The following ATP9A variants were observed in gnomAD, a reference collection of about 807,000 sequenced individuals.
ATP9A encodes ATPase phospholipid transporting 9A.
ATP9A carries 52 observed loss-of-function variants against 144.1 expected under a neutral mutation model. The observed-to-expected ratio is 0.36, with a 90% CI of 0.29 to 0.45. The LOEUF (loss-of-function observed/expected upper bound fraction) is 0.45, where lower values mean the gene tolerates loss of function less well. Ranked by LOEUF, ATP9A falls within the 20% of genes least tolerant of loss-of-function variation. The pLI, the probability that ATP9A is intolerant of heterozygous loss-of-function variation, is 1.00. For missense variants in ATP9A, 947 were observed against 1,392.7 expected (o/e 0.68, Z 5.09); for synonymous variants, 582 against 557.4 (o/e 1.04, Z -0.62).
chr20:51,687,087 G>C (rs992579805), intron 9 of ATP9A, among the ~76,000 whole-genome samples: 3 of 152,024 alleles, frequency 2.0e-5, no homozygotes, highest in African/African-American at 7.2e-5. Flanking sequence ...ATTATTATTT[G>C]TTAATAAATG....
chr20:51,760,449 G>A (rs1436804274), intron 1 of ATP9A, among the ~76,000 whole-genome samples: 1 of 152,146 alleles, frequency 6.6e-6, no homozygotes, highest in African/African-American at 2.4e-5. Context: ...GTACTGGGCA[G>A]GGCACGGTGG....
chr20:51,742,503 T>G (rs573179630), intron 1 of ATP9A, among the ~76,000 whole-genome samples: 151 of 151,704 alleles, frequency 1.0e-3, no homozygotes, highest in Non-Finnish European at 1.9e-3. Context: ...CTGCTGTTGC[T>G]CCTCCTCCTT....
At chr20:51,609,767 C>T (rs2077178151) in intron 24 of ATP9A, among the ~76,000 whole-genome samples, 1 of 152,192 alleles carries the variant, frequency 6.6e-6, no homozygotes. Flanking sequence ...ATTAAGACCC[C>T]AGTGAAATCA....
Position 51,702,618 on chromosome 20 carries a change from G to C in ATP9A, c.437-5136C>G, listed in dbSNP as rs201556650. Among the ~76,000 whole-genome samples the C allele has an allele frequency of 1.9e-4, 29 of 152,148 alleles. No homozygotes were observed. The East Asian group carries it at 5.0e-3, about 26-fold the overall frequency. ...GGTAGGGAGAAAGAGGGAGAGAAAA[G>C]AGAGACCAAAGTTAGAAGTGAGGAA... On this transcript the variant is annotated intron_variant, in intron 4 of 27. Coordinates refer to ENST00000338821, the MANE Select transcript of ATP9A (RefSeq NM_006045.3).
At chr20:51,673,352 C>CTTG (rs2077464126) in intron 11 of ATP9A, among the ~76,000 whole-genome samples, 1 of 152,002 alleles carries the variant, frequency 6.6e-6, no homozygotes, top group Admixed American at 6.6e-5. Context: ...CCAGCCTGGG[C>CTTG]GACAGAGCAA....
rs60505207 is a variant in ATP9A, at chr20:51,682,577, CTTTTTTTTTTT to C, written c.800-6380_800-6370del. On this transcript the variant is annotated intron_variant, in intron 9 of 27. Transcript: ENST00000338821. ...TAAAGTGTGTTGCTTTTCACTGTAT[CTTTTTTTTTTT>C]TTTTTTTTTTTTTTTTTTTGAGACA... 1.1e-3 allele frequency among the ~76,000 whole-genome samples: 37 copies of C among 35,088 alleles called. 1 individual carries two copies. The highest frequency in any genetic ancestry group is 0.026 in the Middle Eastern group (1 of 38). The allele number at this position is 35,088 out of a possible 152,430, so 23.0% of individuals were successfully genotyped here.
rs374743287 is a variant in ATP9A, at chr20:51,739,086, AG to A, written c.69-9109del. 5.9e-5 allele frequency among the ~76,000 whole-genome samples: 9 copies of A among 152,224 alleles called. No homozygotes were observed. The East Asian group carries it at 1.7e-3, about 30-fold the overall frequency. The stretch of plus-strand genomic sequence containing the variant: ...CCTGGGTGACAGAGCAACACTCTGG[AG>A]GGACGCGTGTGAACCACCAGCTATG... On this transcript the variant is annotated intron_variant, in intron 1 of 27. Coordinates refer to ENST00000338821, the MANE Select transcript of ATP9A (RefSeq NM_006045.3).
chr20:51,621,020 G>A lies in ATP9A; in HGVS notation c.2115+1054C>T, dbSNP rs542928069. On this transcript the variant is annotated intron_variant, in intron 19 of 27. Coordinates refer to ENST00000338821, the MANE Select transcript of ATP9A (RefSeq NM_006045.3). ...AAATTAGCCAGGTGTGGTGGCAGGC[G>A]CCTGTAATCCCAGCTACTTGGGAGG... Among the ~76,000 whole-genome samples, 65 of 152,016 alleles carry A rather than the reference G, an allele frequency of 4.3e-4. No individual in the cohort carries two copies. In the East Asian group the frequency reaches 9.3e-3, roughly 22 times the overall value.
intron 1 of ATP9A, among the ~76,000 whole-genome samples, chr20:51,764,664 C>T (rs990729521): frequency 2.6e-5 from 4 of 152,148 alleles, no homozygotes; most frequent in Non-Finnish European, 4.4e-5. Flanking sequence ...CCTCTCACAA[C>T]CTCCAAGACC....
intron 7 of ATP9A, among the ~76,000 whole-genome samples, chr20:51,692,706 G>C (rs544443951): frequency 4.7e-4 from 71 of 152,290 alleles, no homozygotes; most frequent in African/African-American, 1.6e-3. Context: ...GGAGGCTGAG[G>C]CAGGAAAATT....
chr20:51,763,709 T>C (rs2077892329), intron 1 of ATP9A, among the ~76,000 whole-genome samples: 1 of 152,218 alleles, frequency 6.6e-6, no homozygotes, highest in African/African-American at 2.4e-5. Context: ...TCAGTTCTTC[T>C]TTCTCAATCT....
At chr20:51,766,425 ACAAATTAATAACCACTGGATT>A (rs1404132095) in intron 1 of ATP9A, among the ~76,000 whole-genome samples, 3 of 152,240 alleles carry the variant, frequency 2.0e-5, no homozygotes, top group Non-Finnish European at 4.4e-5. Context: ...TGCTCATGGC[ACAAATTAATAACCACTGGATT>A]TTAGACTCCA....
intron 14 of ATP9A, among the ~76,000 whole-genome samples, chr20:51,640,845 G>C (rs191289751): frequency 6.6e-6 from 1 of 152,272 alleles, no homozygotes; most frequent in Admixed American, 6.5e-5. Flanking sequence ...TGCCCTGCAG[G>C]GACTAGGGCC....
rs188732488 is a variant in ATP9A, at chr20:51,730,566, C to T, written c.69-588G>A. On this transcript the variant is annotated intron_variant, in intron 1 of 27. Transcript: ENST00000338821. ...AGCGACAAGGATACGCTCTAAGAAA[C>T]GCATTAGGCCATTTCGGCACTGTGG... 1.6e-3 allele frequency among the ~76,000 whole-genome samples: 250 copies of T among 152,342 alleles called. 1 individual carries two copies. Among genetic ancestry groups the T allele is most frequent in the Non-Finnish European group, 2.1e-3 (146 of 68,032 alleles).
chr20:51,717,184 A>G (rs2122855909), intron 3 of ATP9A, among the ~76,000 whole-genome samples: 1 of 151,862 alleles, frequency 6.6e-6, no homozygotes, highest in South Asian at 2.1e-4. Context: ...AAAAAAAAAA[A>G]AAAAAAAGAT....
intron 4 of ATP9A, among the ~76,000 whole-genome samples, chr20:51,705,173 CCTA>C (rs1372122337): frequency 6.6e-6 from 1 of 152,038 alleles, no homozygotes; most frequent in African/African-American, 2.4e-5. Context: ...ATGCACCTTC[CCTA>C]CATTATTATA....
chr20:51,623,812 A>AGAAG (rs1169504008), intron 18 of ATP9A, among the ~76,000 whole-genome samples: 1 of 151,122 alleles, frequency 6.6e-6, no homozygotes. Context: ...AAAGAAAGAA[A>AGAAG]GAAAGAAAAG....
intron 13 of ATP9A, among the ~76,000 whole-genome samples, chr20:51,658,028 C>T (rs2077394429): frequency 6.6e-6 from 1 of 152,128 alleles, no homozygotes; most frequent in South Asian, 2.1e-4. Flanking sequence ...TGGGTTAAGT[C>T]TTGGAAAAAT....
chr20:51,656,807 T>C lies in ATP9A; in HGVS notation c.1506+131A>G, dbSNP rs182098833. On this transcript the variant is annotated intron_variant, in intron 14 of 27. Coordinates refer to ENST00000338821, the MANE Select transcript of ATP9A (RefSeq NM_006045.3). ...TTTCTTTCTTGTATTTGAAAATGTG[T>C]TTCCCAGCAGCCCTGCATCATCCTG... is the stretch of plus-strand genomic sequence containing the variant. 1.3e-4 allele frequency: 100 copies of C among 773,442 alleles called. No homozygotes were observed. In the African/African-American group the frequency reaches 1.7e-3, roughly 13 times the overall value. 47.9% of individuals were successfully genotyped at this position (773,442 alleles called of 1,614,324 possible).
Sources: allele counts gnomAD v4.1 joint callset (sites outside exome capture counted in the v4.1 genomes callset), GRCh38; gene constraint gnomAD v4.1.1; transcripts MANE v1.5; gene names NCBI Gene and HGNC (gene_info 2026-07-23, HGNC 2026-07-21).